The following TRAK1 variants were observed in gnomAD, a reference collection of about 807,000 sequenced individuals.
TRAK1 encodes trafficking kinesin-binding protein 1.
TRAK1 carries 33 observed loss-of-function variants against 92.1 expected under a neutral mutation model. That is an observed-to-expected ratio of 0.36 (90% CI 0.27 to 0.48). The LOEUF is 0.48. Among genes scored for constraint, TRAK1 ranks in the 20% least tolerant of loss-of-function variants. The probability of loss-of-function intolerance (pLI) is 0.99; values close to 1 mark genes in which losing one functional copy is unlikely to be tolerated. For missense variants in TRAK1, 1,123 were observed against 1,257.9 expected (o/e 0.89, Z 1.62); for synonymous variants, 521 against 517.3 (o/e 1.01, Z -0.10).
chr3:42,149,229 A>G, intron 2 of TRAK1: 3 of 1,227,514 alleles, frequency 2.4e-6, no homozygotes, highest in Non-Finnish European at 3.1e-6. Flanking sequence ...GATCCTGGCT[A>G]CTCCCATTCA....
In TRAK1 at chr3:42,057,920, C is replaced by T. The variant is rs181101979; in HGVS notation, c.-518-29184C>T. Among the ~76,000 whole-genome samples, 25 of 152,298 alleles carry T rather than the reference C, an allele frequency of 1.6e-4. No homozygotes were observed. In the East Asian group the frequency reaches 4.6e-3, roughly 28 times the overall value. ...CCAGAAAATACAACCAACTGAAAGG[C>T]GTTTTCATTTTAAATGCCTGTAAAC... is the stretch of plus-strand genomic sequence containing the variant. On this transcript the variant is annotated intron_variant, in intron 1 of 16. Coordinates refer to the TRAK1 transcript ENST00000487159.
chr3:42,039,994 T>G (rs1226741337), intron 1 of TRAK1, among the ~76,000 whole-genome samples: 1 of 152,202 alleles, frequency 6.6e-6, no homozygotes, highest in East Asian at 1.9e-4. Context: ...TTTCATGTGC[T>G]TATTGGCCAT....
At chr3:42,160,417 A>T in intron 2 of TRAK1, 1 of 1,614,256 alleles carries the variant, frequency 6.2e-7, no homozygotes, top group Non-Finnish European at 8.5e-7. Context: ...GACTGCCAGG[A>T]TGAAGAGAGG....
intron 1 of TRAK1, 69 bp from the exon 2 acceptor site, chr3:42,125,351 A>G: frequency 6.8e-7 from 1 of 1,465,592 alleles, no homozygotes; most frequent in South Asian, 1.3e-5. Flanking sequence ...GCAGGCTACA[A>G]GTTTAGTTAA....
intron 1 of TRAK1, among the ~76,000 whole-genome samples, chr3:42,111,556 C>T (rs895547119): frequency 2.0e-5 from 3 of 152,108 alleles, no homozygotes; most frequent in East Asian, 3.9e-4. Flanking sequence ...CTACCATGCC[C>T]GGCTAATTTT....
Position 42,209,971 on chromosome 3 carries a change from A to T in TRAK1, c.1949A>T (p.His650Leu). The stretch of plus-strand genomic sequence containing the variant: ...CTAGCTACCTCCACTCCAGTTCAGC[A>T]CCCAGAGACCTCAGGTGAGAGGTCC... ...PRLATSTPVQ[H>L]PETSAHHPGK... is the part of the protein sequence containing the mutation. The change falls in exon 14 of 16, where the codon CAC becomes CTC. Residue 650 changes from histidine (H) to leucine (L), a missense_variant. His to Leu is a moderately conservative substitution (Grantham distance 99, BLOSUM62 -3). Coordinates refer to ENST00000327628, the MANE Select transcript of TRAK1 (RefSeq NM_001042646.3). 4 of 1,614,160 alleles carry T rather than the reference A, an allele frequency of 2.5e-6. No individual in the cohort carries two copies. Among genetic ancestry groups the T allele is most frequent in the Non-Finnish European group, 3.4e-6 (4 of 1,180,010 alleles).
rs527544214 is a variant in TRAK1, at chr3:42,122,328, A to G, written c.92-3092A>G. On this transcript the variant is annotated intron_variant, in intron 1 of 15. Coordinates refer to ENST00000327628, the MANE Select transcript of TRAK1 (RefSeq NM_001042646.3). ...CTCATAAGTGAGACATTATTCTGAG[A>G]TTTCTTAGAAGGGACTTTTTTTTTT... 2.0e-5 allele frequency among the ~76,000 whole-genome samples: 3 copies of G among 150,972 alleles called. No homozygotes were observed. The South Asian group carries it at 6.3e-4, about 32-fold the overall frequency.
intron 1 of TRAK1, among the ~76,000 whole-genome samples, chr3:42,115,101 A>C (rs1709003712): frequency 6.6e-6 from 1 of 152,236 alleles, no homozygotes; most frequent in African/African-American, 2.4e-5. Context: ...ATTCAAATCG[A>C]CAGTAATAGT....
intron 2 of TRAK1, among the ~76,000 whole-genome samples, chr3:42,137,383 A>G (rs1455062120): frequency 6.6e-6 from 1 of 152,236 alleles, no homozygotes; most frequent in Non-Finnish European, 1.5e-5. Flanking sequence ...AGAAGCCTGA[A>G]CACATCCTAA....
chr3:42,084,267 C>G (rs182712486), upstream of TRAK1, among the ~76,000 whole-genome samples: 1 of 152,048 alleles, frequency 6.6e-6, no homozygotes, highest in African/African-American at 2.4e-5. Context: ...TCTGCATTCA[C>G]TAATCTTTTC....
intron 1 of TRAK1, among the ~76,000 whole-genome samples, chr3:42,029,810 A>G (rs1702051451): frequency 6.6e-6 from 1 of 152,128 alleles, no homozygotes; most frequent in Non-Finnish European, 1.5e-5. Context: ...CAGCCTCCCA[A>G]AGTGCTGTGA....
intron 2 of TRAK1, among the ~76,000 whole-genome samples, chr3:42,148,244 G>A (rs928869007): frequency 3.3e-5 from 5 of 152,120 alleles, no homozygotes; most frequent in South Asian, 2.1e-4. Flanking sequence ...TGCTACCTGC[G>A]TTTAGTGGGT....
In TRAK1 at chr3:42,222,945, T is replaced by G. The variant is rs1710504704; in HGVS notation, c.2070T>G (p.Leu690=). The stretch of plus-strand genomic sequence containing the variant: ...AACCTGTCATTTCTTCTTTCAGCCT[T>G]AACTCAGCCCCAACTCCAGCTTGTG... ...SDELTRVTPS[L]NSAPTPACGS... Residue 690 remains leucine, a synonymous_variant, in exon 16 of 16, where the codon CTT becomes CTG. Coordinates refer to ENST00000327628, the MANE Select transcript of TRAK1 (RefSeq NM_001042646.3). The G allele has an allele frequency of 6.2e-7, 1 of 1,611,936 alleles. No individual in the cohort carries two copies. The highest frequency in any genetic ancestry group is 1.3e-5 in the African/African-American group (1 of 74,888).
At chr3:42,199,026 A>G (rs377499699) in intron 10 of TRAK1, 151 bp from the exon 11 acceptor site, 437 of 736,198 alleles carry the variant, frequency 5.9e-4, no homozygotes, top group African/African-American at 5.5e-3. Context: ...CTCTGACAAC[A>G]GAGAGTGCTG....
rs370140776 is a variant in TRAK1, at chr3:42,214,877, G to A, written c.1964-4617G>A. ...AAAATAAATACCAAGCCTCTGTGAA[G>A]CCCAGAACTAAGGCCTTTAAAAGTG... On this transcript the variant is annotated intron_variant, in intron 14 of 15. Transcript: ENST00000327628. Among the ~76,000 whole-genome samples the A allele has an allele frequency of 2.0e-5, 3 of 152,292 alleles. No homozygotes were observed. In the East Asian group the frequency reaches 5.8e-4, roughly 29 times the overall value.
intron 2 of TRAK1, among the ~76,000 whole-genome samples, chr3:42,141,046 G>A (rs187515907): frequency 2.0e-5 from 3 of 152,202 alleles, no homozygotes; most frequent in East Asian, 1.9e-4. Flanking sequence ...GGTGGGATGC[G>A]GCAATATCTG....
rs527900003 is a variant in TRAK1 at position 42,104,283 on chromosome 3, A to G, written c.91+12723A>G. 2.6e-5 allele frequency among the ~76,000 whole-genome samples: 4 copies of G among 152,312 alleles called. No individual in the cohort carries two copies. The South Asian group carries it at 8.3e-4, about 32-fold the overall frequency. ...ACTTCTGGGGGCAGGGCATAGCTGA[A>G]CAAAAGGCAGCAGAAACTTCTGCAG... On this transcript the variant is annotated intron_variant, in intron 1 of 15. Coordinates refer to ENST00000327628, the MANE Select transcript of TRAK1 (RefSeq NM_001042646.3).
At position 42,183,801 on chromosome 3, in the gene TRAK1, C is replaced by T. The variant is rs1034449621; in HGVS notation, c.364-884C>T. 2.0e-5 allele frequency among the ~76,000 whole-genome samples: 3 copies of T among 152,310 alleles called. No homozygotes were observed. In the East Asian group the frequency reaches 5.8e-4, roughly 29 times the overall value. On this transcript the variant is annotated intron_variant, in intron 3 of 15. Coordinates refer to ENST00000327628, the MANE Select transcript of TRAK1 (RefSeq NM_001042646.3). ...ATTTTTCTGACTTCTCCTCACCTTG[C>T]CAAAACCCAAGTTGAATCTGACTGG...
At chr3:42,091,354 C>T, upstream of TRAK1, 1 of 897,446 alleles carries the variant, frequency 1.1e-6, no homozygotes, top group Non-Finnish European at 1.7e-6. Context: ...AACAAGCAAA[C>T]TCAGAAAACT....
Sources: gnomAD v4.1 joint callset for allele counts (sites outside exome capture counted in the v4.1 genomes callset) on GRCh38, gnomAD v4.1.1 for gene constraint, MANE v1.5 for transcripts, NCBI Gene and HGNC (gene_info 2026-07-23, HGNC 2026-07-21) for gene names.